Variants in HNF4G observed in about 807,000 individuals in gnomAD.
HNF4G encodes hepatocyte nuclear factor 4-gamma.
Under a neutral mutation model 50.9 loss-of-function variants are expected in HNF4G, and 21 were observed. The observed-to-expected ratio is 0.41, with a 90% CI of 0.29 to 0.59. The LOEUF (loss-of-function observed/expected upper bound fraction) is 0.59. HNF4G is among the 20% of genes least tolerant of loss of function. The pLI is 0.26. For synonymous variants in HNF4G, 198 were observed against 185.6 expected (o/e 1.07, Z -0.54); for missense variants, 527 against 559.4 (o/e 0.94, Z 0.58).
At chr8:75,531,338 C>T (rs903783128) in intron 2 of HNF4G, among the ~76,000 whole-genome samples, 1 of 152,098 alleles carries the variant, frequency 6.6e-6, no homozygotes. Flanking sequence ...CATTCCTAGA[C>T]ATATGGTAAA....
At position 75,518,305 on chromosome 8, in the gene HNF4G, C is replaced by T. The variant is rs541997705; in HGVS notation, c.-23-25506C>T. ...GTTTCCAGCTTCATCCATGTCCCTA[C>T]GAAGGACAGGAACTCATCATTTTTT... On this transcript the variant is annotated intron_variant, in intron 2 of 10. Transcript: ENST00000354370. Among the ~76,000 whole-genome samples, 24 of 151,926 alleles carry T rather than the reference C, an allele frequency of 1.6e-4. 1 individual carries two copies. The highest frequency in any genetic ancestry group is 3.9e-4 in the Admixed American group (6 of 15,260).
intron 2 of HNF4G, among the ~76,000 whole-genome samples, chr8:75,532,937 T>C (rs1188856899): frequency 1.3e-5 from 2 of 152,046 alleles, no homozygotes. Context: ...CAGCTATTTG[T>C]CTCTTTATAC....
chr8:75,528,855 C>A (rs13275267), intron 2 of HNF4G, among the ~76,000 whole-genome samples: 13,274 of 152,128 alleles, frequency 0.087, 652 homozygotes, highest in African/African-American at 0.13. Flanking sequence ...CTGGGTAATT[C>A]TGAATAAAAG....
At chr8:75,411,650 A>G (rs1810508294) in intron 1 of HNF4G, among the ~76,000 whole-genome samples, 1 of 152,064 alleles carries the variant, frequency 6.6e-6, no homozygotes. Flanking sequence ...TTTTTGTGTG[A>G]CACTCAACAT....
intron 1 of HNF4G, among the ~76,000 whole-genome samples, chr8:75,441,337 C>T (rs968895722): frequency 6.6e-6 from 1 of 151,940 alleles, no homozygotes; most frequent in African/African-American, 2.4e-5. Context: ...CCTCCGTCTC[C>T]CAGGCTCAAG....
At chr8:75,440,759 G>T (rs1404445953) in intron 1 of HNF4G, among the ~76,000 whole-genome samples, 1 of 152,090 alleles carries the variant, frequency 6.6e-6, no homozygotes, top group Non-Finnish European at 1.5e-5. Flanking sequence ...AATTTTAAAA[G>T]TAGGCTTAAT....
chr8:75,493,236 T>C (rs12678260), intron 2 of HNF4G, among the ~76,000 whole-genome samples: 36,985 of 151,978 alleles, frequency 0.24, 4,779 homozygotes, highest in South Asian at 0.31. Flanking sequence ...GCAAGGTATA[T>C]ATCTGGAGGG....
chr8:75,415,794 A>G (rs1810619502), intron 1 of HNF4G, among the ~76,000 whole-genome samples: 2 of 151,940 alleles, frequency 1.3e-5, no homozygotes, highest in Non-Finnish European at 1.5e-5. Flanking sequence ...GGTGGGGGGC[A>G]TGTATATGTA....
chr8:75,545,239 ATGTGTGTGTGTGTGTGTG>A (rs57486410), intron 2 of HNF4G, among the ~76,000 whole-genome samples: 5 of 145,486 alleles, frequency 3.4e-5, no homozygotes, highest in Non-Finnish European at 7.6e-5. Flanking sequence ...TTAAAATTGA[ATGTGTGTGTGTGTGTGTG>A]TGTGTGTGTG....
In HNF4G at chr8:75,483,334, G is replaced by T. The variant is rs549103626; in HGVS notation, c.-143-6755G>T. Among the ~76,000 whole-genome samples, 126 of 151,990 alleles carry T rather than the reference G, an allele frequency of 8.3e-4. No individual in the cohort carries two copies. In the Middle Eastern group the frequency reaches 0.014, roughly 16 times the overall value. On this transcript the variant is annotated intron_variant, in intron 1 of 10. Coordinates refer to the HNF4G transcript ENST00000354370. The stretch of plus-strand genomic sequence containing the variant: ...TTTCAATGCAAATGTAATTCCTTAA[G>T]TGGTTTTCATGGCCCAGGGCATGAC...
intron 6 of HNF4G, 80 bp from the exon 7 acceptor site, chr8:75,558,438 G>C: frequency 1.5e-6 from 2 of 1,334,628 alleles, no homozygotes; most frequent in Non-Finnish European, 2.1e-6. Context: ...ACACCGGTTT[G>C]TTAAATTTTA....
chr8:75,437,538 A>T lies in HNF4G; in HGVS notation c.-144+29376A>T, dbSNP rs116471446. Among the ~76,000 whole-genome samples, 1,133 of 152,306 alleles carry T rather than the reference A, an allele frequency of 7.4e-3. 15 individuals are homozygous for T. Among genetic ancestry groups the T allele is most frequent in the African/African-American group, 0.026 (1,065 of 41,568 alleles). On this transcript the variant is annotated intron_variant, in intron 1 of 10. Coordinates refer to the HNF4G transcript ENST00000354370. ...CTAGGACAAAGGAAGAATGTTTTTT[A>T]AAATTTCCAGTCTTTTATAAAATGT... is the stretch of plus-strand genomic sequence containing the variant.
chr8:75,529,634 T>A (rs1011154784), intron 2 of HNF4G, among the ~76,000 whole-genome samples: 3 of 152,042 alleles, frequency 2.0e-5, no homozygotes, highest in Admixed American at 1.3e-4. Flanking sequence ...ATCATGTAAA[T>A]GAAATTAATT....
At chr8:75,453,853 A>G (rs1464152908) in intron 1 of HNF4G, among the ~76,000 whole-genome samples, 1 of 152,164 alleles carries the variant, frequency 6.6e-6, no homozygotes, top group African/African-American at 2.4e-5. Context: ...TAATGGACTG[A>G]ATGTTCCTGT....
At chr8:75,505,087 T>C (rs923973260) in intron 2 of HNF4G, among the ~76,000 whole-genome samples, 1 of 152,170 alleles carries the variant, frequency 6.6e-6, no homozygotes, top group African/African-American at 2.4e-5. Flanking sequence ...GTTTTATGGA[T>C]AATTTACTAG....
intron 1 of HNF4G, among the ~76,000 whole-genome samples, chr8:75,411,631 C>T (rs896471267): frequency 6.6e-6 from 1 of 152,094 alleles, no homozygotes; most frequent in Non-Finnish European, 1.5e-5. Context: ...AGGGAGTTCA[C>T]TTTTTTTCTT....
At chr8:75,439,375 C>T (rs1454948558) in intron 1 of HNF4G, among the ~76,000 whole-genome samples, 1 of 151,572 alleles carries the variant, frequency 6.6e-6, no homozygotes, top group Non-Finnish European at 1.5e-5. Context: ...AAGTAAATTC[C>T]AAAGTACTCT....
chr8:75,430,702 C>T (rs1051875569), intron 1 of HNF4G, among the ~76,000 whole-genome samples: 3 of 152,082 alleles, frequency 2.0e-5, no homozygotes, highest in African/African-American at 7.2e-5. Context: ...TTGATAGTGT[C>T]CCCAAGTACT....
intron 2 of HNF4G, among the ~76,000 whole-genome samples, chr8:75,534,539 G>A (rs1806410812): frequency 6.6e-6 from 1 of 151,700 alleles, no homozygotes. Context: ...CTTAGTTTTG[G>A]ACTTTACATT....
Sources: allele counts gnomAD v4.1 joint callset (sites outside exome capture counted in the v4.1 genomes callset), GRCh38; gene constraint gnomAD v4.1.1; transcripts MANE v1.5; gene names NCBI Gene and HGNC (gene_info 2026-07-23, HGNC 2026-07-21).